PTPRG: variants seen among roughly 807,000 people sequenced by gnomAD.
PTPRG encodes receptor-type tyrosine-protein phosphatase gamma.
Under a neutral mutation model 165.3 loss-of-function variants are expected in PTPRG, and 102 were observed. The observed-to-expected ratio is 0.62, with a 90% CI of 0.53 to 0.73. PTPRG has a LOEUF of 0.73. PTPRG is among the 30% of genes least tolerant of loss of function. PTPRG has a pLI of 0.00. For missense variants in PTPRG, 1,866 were observed against 1,861.4 expected (o/e 1.00, Z -0.05); for synonymous variants, 675 against 669.5 (o/e 1.01, Z -0.13).
At chr3:61,695,912 TC>T (rs2030560106) in intron 1 of PTPRG, among the ~76,000 whole-genome samples, 1 of 152,168 alleles carries the variant, frequency 6.6e-6, no homozygotes, top group Non-Finnish European at 1.5e-5. Context: ...AATAAATACA[TC>T]CCTAGTTCAA....
At chr3:62,189,875 C>A (rs773652702) in intron 8 of PTPRG, among the ~76,000 whole-genome samples, 4 of 152,226 alleles carry the variant, frequency 2.6e-5, no homozygotes, top group Non-Finnish European at 5.9e-5. Flanking sequence ...GCAGCTACAC[C>A]TGTGCCCTGC....
chr3:62,215,548 C>G (rs992340423), intron 12 of PTPRG, among the ~76,000 whole-genome samples: 1 of 127,844 alleles, frequency 7.8e-6, no homozygotes, highest in Non-Finnish European at 1.7e-5. Flanking sequence ...CTACGGGAAC[C>G]CCCCCCCCCC....
chr3:62,114,253 C>T (rs561208226), intron 5 of PTPRG, among the ~76,000 whole-genome samples: 4 of 152,136 alleles, frequency 2.6e-5, no homozygotes, highest in East Asian at 1.9e-4. Context: ...GAGCCAAGAT[C>T]GCACCACTAC....
chr3:61,567,134 T>C (rs953931970), intron 1 of PTPRG, among the ~76,000 whole-genome samples: 1 of 152,186 alleles, frequency 6.6e-6, no homozygotes, highest in African/African-American at 2.4e-5. Context: ...TGAAACTGTT[T>C]TCGGCTGTAT....
intron 5 of PTPRG, among the ~76,000 whole-genome samples, chr3:62,095,712 A>T (rs1352302229): frequency 6.6e-6 from 1 of 152,158 alleles, no homozygotes; most frequent in Admixed American, 6.5e-5. Context: ...GGAAAAAGAC[A>T]TTGATTGCTT....
In PTPRG at chr3:62,273,926, C is replaced by A; in HGVS notation, c.3465+82C>A. 1.5e-6 allele frequency: 2 copies of A among 1,369,010 alleles called. No homozygotes were observed. The highest frequency in any genetic ancestry group is 2.0e-6 in the Non-Finnish European group (2 of 979,750). 84.8% of individuals were successfully genotyped at this position (1,369,010 alleles called of 1,614,324 possible). A position where few individuals can be genotyped will look rare whatever the true frequency, so the allele number is the denominator to read the frequency against. On this transcript the variant is annotated intron_variant, in intron 23 of 29. Transcript: ENST00000474889. The surrounding 1 kb of genome is among the most constrained non-coding windows in gnomAD (Gnocchi z 4.1). ...GAGTTTGGGGGTTATGTCTTCTTTG[C>A]ATTAATGTATACACCGAAATGGATT...
chr3:61,983,178 CACAA>C (rs1243074231), intron 2 of PTPRG, among the ~76,000 whole-genome samples: 2 of 152,034 alleles, frequency 1.3e-5, no homozygotes, highest in Admixed American at 6.6e-5. Flanking sequence ...TTCGTGTACA[CACAA>C]ACAATAAATG....
At chr3:61,639,013 C>A (rs1051359593) in intron 1 of PTPRG, among the ~76,000 whole-genome samples, 1 of 151,966 alleles carries the variant, frequency 6.6e-6, no homozygotes, top group Non-Finnish European at 1.5e-5. Flanking sequence ...ATGGTGTTTC[C>A]TAGGTTTTCT....
intron 1 of PTPRG, among the ~76,000 whole-genome samples, chr3:61,621,145 A>G (rs1701448213): frequency 6.6e-6 from 1 of 151,502 alleles, no homozygotes. Context: ...TAAAAATGTA[A>G]AGCATGAGGT....
intron 1 of PTPRG, among the ~76,000 whole-genome samples, chr3:61,617,465 T>C (rs1402694670): frequency 2.6e-5 from 4 of 152,188 alleles, no homozygotes; most frequent in African/African-American, 9.7e-5. Flanking sequence ...TCCTTGTATG[T>C]AGGAAGTATA....
At chr3:61,712,403 T>C (rs2031609547) in intron 1 of PTPRG, among the ~76,000 whole-genome samples, 1 of 152,154 alleles carries the variant, frequency 6.6e-6, no homozygotes, top group Admixed American at 6.5e-5. Flanking sequence ...TTCTTCCCCA[T>C]TGATATTGTT....
At chr3:62,290,315 T>TAATC (rs967682140) in intron 28 of PTPRG, among the ~76,000 whole-genome samples, 7 of 152,152 alleles carry the variant, frequency 4.6e-5, no homozygotes, top group African/African-American at 1.7e-4. Context: ...CAGTGCAACC[T>TAATC]AATCAAAATC....
chr3:62,161,251 G>A (rs1393671334), intron 7 of PTPRG, among the ~76,000 whole-genome samples: 2 of 152,176 alleles, frequency 1.3e-5, no homozygotes, highest in Non-Finnish European at 2.9e-5. Context: ...TGTTGTTGTT[G>A]CAGGTATTAA....
chr3:61,804,984 G>A (rs966045102), intron 2 of PTPRG, among the ~76,000 whole-genome samples: 5 of 152,204 alleles, frequency 3.3e-5, no homozygotes, highest in African/African-American at 1.2e-4. Context: ...ATGAAGATCT[G>A]TTGATGTACT....
chr3:61,983,276 G>C (rs954285397), intron 2 of PTPRG, among the ~76,000 whole-genome samples: 14 of 152,056 alleles, frequency 9.2e-5, no homozygotes, highest in Non-Finnish European at 1.9e-4. Context: ...TTAAAACATG[G>C]AATAATTTAA....
chr3:62,150,281 A>C (rs1704281832), intron 6 of PTPRG, among the ~76,000 whole-genome samples: 1 of 152,230 alleles, frequency 6.6e-6, no homozygotes, highest in African/African-American at 2.4e-5. Flanking sequence ...GACAGCAAAG[A>C]GGCCAGTGTA....
chr3:61,829,974 A>G (rs569016416), intron 2 of PTPRG, among the ~76,000 whole-genome samples: 2 of 152,334 alleles, frequency 1.3e-5, no homozygotes, highest in African/African-American at 2.4e-5. Flanking sequence ...ATGTTCTTGT[A>G]TCCTCCACAT....
In PTPRG at chr3:62,277,743, A is replaced by G. The variant is rs967016419; in HGVS notation, c.3765+64A>G. ...GAGGCTACAAGCATAAATTACTTTG[A>G]TACTTTGCCATAGGGCTATAGTATC... On this transcript the variant is annotated intron_variant, in intron 26 of 29. Coordinates refer to ENST00000474889, the MANE Select transcript of PTPRG (RefSeq NM_002841.4). 2.6e-5 allele frequency: 42 copies of G among 1,590,264 alleles called. No homozygotes were observed. In the Middle Eastern group the frequency reaches 5.0e-4, roughly 19 times the overall value.
chr3:61,686,642 C>G (rs965044047), intron 1 of PTPRG, among the ~76,000 whole-genome samples: 2 of 152,160 alleles, frequency 1.3e-5, no homozygotes, highest in African/African-American at 4.8e-5. Flanking sequence ...TGGAAATAAC[C>G]TGACAGCCCA....
Sources: gnomAD v4.1 joint callset for allele counts (sites outside exome capture counted in the v4.1 genomes callset) on GRCh38, gnomAD v4.1.1 for gene constraint, Gnocchi (gnomAD v3.1) non-coding constraint, MANE v1.5 for transcripts, NCBI Gene and HGNC (gene_info 2026-07-23, HGNC 2026-07-21) for gene names.